IGSF5: variants seen among roughly 807,000 people sequenced by gnomAD.
The protein encoded by IGSF5 is immunoglobulin superfamily 5 like.
IGSF5 carries 41 observed loss-of-function variants against 39.4 expected under a neutral mutation model. The observed-to-expected ratio is 1.04, with a 90% CI of 0.81 to 1.35. The LOEUF (loss-of-function observed/expected upper bound fraction) is 1.35. Among genes scored for constraint, IGSF5 ranks in the 40% most tolerant of loss-of-function variants. IGSF5 has a pLI of 0.00. For synonymous variants in IGSF5, 183 were observed against 175.3 expected (o/e 1.04, Z -0.34); for missense variants, 487 against 494.6 (o/e 0.98, Z 0.15).
chr21:39,772,174 G>A (rs1163286942), intron 4 of IGSF5, among the ~76,000 whole-genome samples: 4 of 152,282 alleles, frequency 2.6e-5, no homozygotes, highest in African/African-American at 4.8e-5. Flanking sequence ...AGAATTAACC[G>A]GCCCTACAGC....
At chr21:39,716,675 A>T in the IGSF5 span, among the ~76,000 whole-genome samples, 2 of 152,164 alleles carry the variant, frequency 1.3e-5, no homozygotes, top group Non-Finnish European at 2.9e-5. Context: ...GAAACACATG[A>T]TCTTGTTCTT....
In IGSF5 at chr21:39,770,983, T is replaced by G. The variant is rs2080111046; in HGVS notation, c.486T>G (p.Thr162=). The G allele has an allele frequency of 1.9e-6, 3 of 1,612,428 alleles. No individual in the cohort carries two copies. The African/African-American group carries it at 4.0e-5, about 22-fold the overall frequency. Residue 162 remains threonine (T), a synonymous_variant, in exon 4 of 9, where the codon ACT becomes ACG. Coordinates refer to ENST00000380588, the MANE Select transcript of IGSF5 (RefSeq NM_001080444.2). ...CTGAGAATGAACCTTGTGAAGTTAC[T>G]TGTCTACCCTCACACTGGACCCGGC... The part of the protein sequence containing the change: ...VVAENEPCEV[T]CLPSHWTRLP...
At chr21:39,767,647 A>G (rs2837187) in intron 3 of IGSF5, among the ~76,000 whole-genome samples, 69,994 of 152,024 alleles carry the variant, frequency 0.46, 16,634 homozygotes, top group East Asian at 0.66. Context: ...TGGTTATTTA[A>G]GAGTGACTCA....
At chr21:39,788,221 C>G (rs1442952274) in intron 6 of IGSF5, 33 bp downstream of exon 6, 1 of 1,504,626 alleles carries the variant, frequency 6.6e-7, no homozygotes, top group African/African-American at 1.4e-5. Context: ...TTTCTGAAAA[C>G]AAAACAAAAA....
At chr21:39,758,904 A>T (rs1468720598) in intron 2 of IGSF5, among the ~76,000 whole-genome samples, 5 of 152,338 alleles carry the variant, frequency 3.3e-5, no homozygotes, top group Admixed American at 3.3e-4. Flanking sequence ...AGACATACAG[A>T]AAGGGGCGCA....
chr21:39,775,251 C>A (rs1462433710), intron 4 of IGSF5, among the ~76,000 whole-genome samples: 1 of 152,204 alleles, frequency 6.6e-6, no homozygotes, highest in African/African-American at 2.4e-5. Flanking sequence ...CACACAATCA[C>A]TAGCCGTGTG....
chr21:39,740,972 A>T (rs1602357261), upstream of IGSF5, among the ~76,000 whole-genome samples: 2 of 152,324 alleles, frequency 1.3e-5, no homozygotes, highest in East Asian at 3.9e-4. Context: ...TACTGCCACC[A>T]CTACCCGTAA....
chr21:39,794,380 G>A (rs2086983138), intron 8 of IGSF5, among the ~76,000 whole-genome samples: 1 of 152,116 alleles, frequency 6.6e-6, no homozygotes, highest in Non-Finnish European at 1.5e-5. Flanking sequence ...CCAGGGAGAG[G>A]TACTAGCTGT....
the IGSF5 span, among the ~76,000 whole-genome samples, chr21:39,716,409 T>C: frequency 6.6e-6 from 1 of 152,162 alleles, no homozygotes; most frequent in East Asian, 1.9e-4. Context: ...TAAACACGTG[T>C]CATGGGGGCT....
At chr21:39,758,626 C>T (rs906907970) in intron 2 of IGSF5, among the ~76,000 whole-genome samples, 9 of 152,160 alleles carry the variant, frequency 5.9e-5, no homozygotes, top group South Asian at 4.1e-4. Flanking sequence ...CGCTCTCCAA[C>T]GGTGTCAGCT....
At chr21:39,733,099 T>A in the IGSF5 span, among the ~76,000 whole-genome samples, 13 of 151,972 alleles carry the variant, frequency 8.6e-5, no homozygotes, top group Admixed American at 8.5e-4. Context: ...AAAGATATAG[T>A]ACCAAAGACA....
chr21:39,754,311 G>A (rs2080019575), intron 2 of IGSF5, among the ~76,000 whole-genome samples: 1 of 152,298 alleles, frequency 6.6e-6, no homozygotes, highest in East Asian at 1.9e-4. Flanking sequence ...CTAAAGATAG[G>A]ACTTCAATCC....
At chr21:39,789,697 T>C (rs544341785) in intron 6 of IGSF5, among the ~76,000 whole-genome samples, 2 of 152,292 alleles carry the variant, frequency 1.3e-5, no homozygotes, top group East Asian at 3.9e-4. Context: ...AGAAATAGTT[T>C]AAAAAAATCA....
intron 4 of IGSF5, among the ~76,000 whole-genome samples, chr21:39,777,803 A>G (rs2080148578): frequency 6.6e-6 from 1 of 152,148 alleles, no homozygotes; most frequent in Non-Finnish European, 1.5e-5. Context: ...GTCATTTAAC[A>G]TTGACACAGG....
the IGSF5 span, among the ~76,000 whole-genome samples, chr21:39,724,863 A>T: frequency 2.6e-5 from 4 of 152,206 alleles, no homozygotes; most frequent in Non-Finnish European, 5.9e-5. Flanking sequence ...AGGCCTGTAC[A>T]TCTCAACTTC....
intron 6 of IGSF5, among the ~76,000 whole-genome samples, chr21:39,790,420 G>A (rs1052769177): frequency 6.6e-6 from 1 of 152,152 alleles, no homozygotes; most frequent in African/African-American, 2.4e-5. Context: ...AGCGCTTTGG[G>A]AGGCCAAAGC....
At chr21:39,769,556 A>G (rs924643745) in intron 3 of IGSF5, among the ~76,000 whole-genome samples, 2 of 151,558 alleles carry the variant, frequency 1.3e-5, no homozygotes, top group Non-Finnish European at 2.9e-5. Flanking sequence ...GCTATTAAAT[A>G]CTCCTCACTG....
In IGSF5 at chr21:39,767,636, T is replaced by C. The variant is rs140793706; in HGVS notation, c.418+1784T>C. Among the ~76,000 whole-genome samples, 1,433 of 152,270 alleles carry C rather than the reference T, an allele frequency of 9.4e-3. 7 individuals are homozygous for C. The highest frequency in any genetic ancestry group is 0.02 in the Middle Eastern group (6 of 294). ...CTCCCAATAAAAGCATGCCATTGTG[T>C]TGGTTATTTAAGAGTGACTCAAAGA... On this transcript the variant is annotated intron_variant, in intron 3 of 8. Coordinates refer to ENST00000380588, the MANE Select transcript of IGSF5 (RefSeq NM_001080444.2).
the IGSF5 span, among the ~76,000 whole-genome samples, chr21:39,719,546 G>A: frequency 6.6e-6 from 1 of 151,958 alleles, no homozygotes; most frequent in Non-Finnish European, 1.5e-5. Context: ...GTGGTGGCAG[G>A]TTCTCTTCCA....
Sources: allele counts gnomAD v4.1 joint callset (sites outside exome capture counted in the v4.1 genomes callset), GRCh38; gene constraint gnomAD v4.1.1; transcripts MANE v1.5; gene names NCBI Gene and HGNC (gene_info 2026-07-23, HGNC 2026-07-21).